Variants in ENDOD1 observed in about 807,000 individuals in gnomAD.
ENDOD1 encodes the protein endonuclease domain-containing 1 protein.
ENDOD1 carries 9 observed loss-of-function variants against 6.5 expected under a neutral mutation model. The observed-to-expected ratio is 1.39, with a 90% CI of 0.84 to 2.43. The LOEUF is 2.43. Ranked by LOEUF, ENDOD1 falls within the 30% of genes most tolerant of loss-of-function variation. The probability of loss-of-function intolerance (pLI) is 0.00; values close to 1 mark genes in which losing one functional copy is unlikely to be tolerated. For synonymous variants in ENDOD1, 255 were observed against 255.2 expected (o/e 1.00, Z 0.01); for missense variants, 648 against 635.5 (o/e 1.02, Z -0.21).
At position 95,130,391 on chromosome 11, in the gene ENDOD1, T is replaced by G. The variant is rs1039829586; in HGVS notation, c.*812T>G. On this transcript the variant is annotated 3_prime_UTR_variant, in exon 2 of 2. Transcript: ENST00000278505. ...CCGGTGGAAAGAAGAGAAGAGAAGGTGGACAGCCCTGCTCTTAGTAGGTGC... is the reference window on the plus strand; with the variant it reads ...CCGGTGGAAAGAAGAGAAGAGAAGGGGGACAGCCCTGCTCTTAGTAGGTGC... 1.3e-5 allele frequency: 2 copies of G among 151,856 alleles called. No homozygotes were observed. The highest frequency in any genetic ancestry group is 4.8e-5 in the African/African-American group (2 of 41,332). The allele number at this position is 151,856 out of a possible 1,614,324, so 9.4% of individuals were successfully genotyped here.
In ENDOD1 at chr11:95,094,491, G is replaced by A. The variant is rs143080297; in HGVS notation, c.300+4264G>A. Among the ~76,000 whole-genome samples, 97 of 152,278 alleles carry A rather than the reference G, an allele frequency of 6.4e-4. 1 individual carries two copies. The highest frequency in any genetic ancestry group is 2.3e-3 in the African/African-American group (94 of 41,552). On this transcript the variant is annotated intron_variant, in intron 1 of 1. Coordinates refer to ENST00000278505, the MANE Select transcript of ENDOD1 (RefSeq NM_015036.3). ...GGGAGCACTTACTTGGCTGCATAAA[G>A]GTTGCTCAAGTGTCACTTTACTCTG...
intron 1 of ENDOD1, among the ~76,000 whole-genome samples, chr11:95,110,343 C>T (rs654499): frequency 3.9e-5 from 6 of 152,020 alleles, no homozygotes; most frequent in African/African-American, 1.2e-4. Context: ...CTTCTTCTTC[C>T]ATTGATCCCA....
At chr11:95,100,562 C>T (rs1017752873) in intron 1 of ENDOD1, among the ~76,000 whole-genome samples, 4 of 152,150 alleles carry the variant, frequency 2.6e-5, no homozygotes, top group Non-Finnish European at 5.9e-5. Flanking sequence ...GATCTCAGCT[C>T]ACTGCAGCCT....
chr11:95,117,225 C>G (rs1859219468), intron 1 of ENDOD1, among the ~76,000 whole-genome samples: 1 of 152,152 alleles, frequency 6.6e-6, no homozygotes, highest in African/African-American at 2.4e-5. Context: ...GCCTGGCCAA[C>G]ATGGCAAACC....
At chr11:95,124,254 AT>A (rs893382012) in intron 1 of ENDOD1, among the ~76,000 whole-genome samples, 10 of 152,178 alleles carry the variant, frequency 6.6e-5, no homozygotes, top group Admixed American at 5.9e-4. Context: ...ATACTGGAAA[AT>A]TTTCTTCATC....
At chr11:95,125,338 C>T (rs1293835554) in intron 1 of ENDOD1, among the ~76,000 whole-genome samples, 1 of 152,164 alleles carries the variant, frequency 6.6e-6, no homozygotes, top group Non-Finnish European at 1.5e-5. Context: ...TCTGCTATAT[C>T]CTGATCTTAT....
intron 1 of ENDOD1, among the ~76,000 whole-genome samples, chr11:95,107,968 G>T (rs1382993639): frequency 6.6e-6 from 1 of 152,134 alleles, no homozygotes; most frequent in Non-Finnish European, 1.5e-5. Context: ...CGCCCGGCCG[G>T]AGTCCGCACA....
Position 95,090,106 on chromosome 11 carries a change from A to C in ENDOD1, c.179A>C (p.Glu60Ala). Residue 60 changes from glutamate (E) to alanine (A), a missense_variant, in exon 1 of 2, where the codon GAG becomes GCG. Coordinates refer to ENST00000278505, the MANE Select transcript of ENDOD1 (RefSeq NM_015036.3). ...DSHVKICQRAEGAERFATLYS... is the reference protein window; with the variant it reads ...DSHVKICQRAAGAERFATLYS... ...CACGTGAAGATCTGTCAGCGCGCGG[A>C]GGGTGCTGAGCGCTTCGCCACCCTC... 1 of 1,589,404 alleles carries C rather than the reference A, an allele frequency of 6.3e-7. No homozygotes were observed. The highest frequency in any genetic ancestry group is 8.5e-7 in the Non-Finnish European group (1 of 1,169,800).
chr11:95,122,159 A>G (rs1159845637), intron 1 of ENDOD1, among the ~76,000 whole-genome samples: 1 of 152,136 alleles, frequency 6.6e-6, no homozygotes, highest in African/African-American at 2.4e-5. Context: ...TTTAAGTGAC[A>G]ATGTATCAAA....
Position 95,090,101 on chromosome 11 carries a change from C to A in ENDOD1, c.174C>A (p.Arg58=). The change falls in exon 1 of 2, where the codon CGC becomes CGA. Residue 58 remains arginine (R), a synonymous_variant. Coordinates refer to ENST00000278505, the MANE Select transcript of ENDOD1 (RefSeq NM_015036.3). ...ATTCCCACGTGAAGATCTGTCAGCG[C>A]GCGGAGGGTGCTGAGCGCTTCGCCA... ...AADSHVKICQ[R]AEGAERFATL... is the part of the protein sequence containing the mutation. The A allele has an allele frequency of 6.3e-7, 1 of 1,593,948 alleles. No homozygotes were observed. Among genetic ancestry groups the A allele is most frequent in the Non-Finnish European group, 8.5e-7 (1 of 1,171,932 alleles).
chr11:95,098,538 G>T (rs1859008308), intron 1 of ENDOD1, among the ~76,000 whole-genome samples: 1 of 152,012 alleles, frequency 6.6e-6, no homozygotes, highest in Non-Finnish European at 1.5e-5. Flanking sequence ...ACAATTCTTT[G>T]TATATCAGTT....
intron 1 of ENDOD1, among the ~76,000 whole-genome samples, chr11:95,098,902 G>C (rs916737873): frequency 3.9e-5 from 6 of 152,158 alleles, no homozygotes; most frequent in Non-Finnish European, 8.8e-5. Flanking sequence ...CAAACCTGTT[G>C]ATGTGTTGGG....
chr11:95,118,424 C>G (rs993988253), intron 1 of ENDOD1, among the ~76,000 whole-genome samples: 1 of 152,162 alleles, frequency 6.6e-6, no homozygotes, highest in South Asian at 2.1e-4. Flanking sequence ...GTATTTTCAC[C>G]AATGTACTAC....
intron 1 of ENDOD1, among the ~76,000 whole-genome samples, chr11:95,104,303 C>T (rs1434525903): frequency 7.9e-5 from 12 of 152,214 alleles, no homozygotes; most frequent in Admixed American, 7.2e-4. Context: ...AAAACATTAG[C>T]TGGGCATGGT....
chr11:95,125,462 CTTTAAG>C (rs1210719171), intron 1 of ENDOD1, among the ~76,000 whole-genome samples: 1 of 151,782 alleles, frequency 6.6e-6, no homozygotes, highest in Non-Finnish European at 1.5e-5. Context: ...TATTATTATA[CTTTAAG>C]TTTTAGGGTA....
chr11:95,106,828 C>G (rs78934984), intron 1 of ENDOD1, among the ~76,000 whole-genome samples: 2 of 150,086 alleles, frequency 1.3e-5, no homozygotes, highest in South Asian at 2.1e-4. Flanking sequence ...ACACCCCCCC[C>G]TTTCCCCCGT....
chr11:95,113,286 C>T (rs960785135), intron 1 of ENDOD1, among the ~76,000 whole-genome samples: 7 of 152,024 alleles, frequency 4.6e-5, no homozygotes, highest in African/African-American at 1.2e-4. Flanking sequence ...ACAGTTAAAG[C>T]GTTATTGACT....
At chr11:95,111,594 A>G (rs1188405615) in intron 1 of ENDOD1, among the ~76,000 whole-genome samples, 4 of 151,944 alleles carry the variant, frequency 2.6e-5, no homozygotes, top group Non-Finnish European at 5.9e-5. Flanking sequence ...CACAACCTAG[A>G]TCCCTCACAT....
At chr11:95,122,287 A>C (rs1212261814) in intron 1 of ENDOD1, among the ~76,000 whole-genome samples, 3 of 151,956 alleles carry the variant, frequency 2.0e-5, no homozygotes, top group Admixed American at 6.5e-5. Flanking sequence ...CAATGGCATG[A>C]TCTTGGCTAC....
Sources: allele counts gnomAD v4.1 joint callset (sites outside exome capture counted in the v4.1 genomes callset), GRCh38; gene constraint gnomAD v4.1.1; transcripts MANE v1.5; gene names NCBI Gene and HGNC (gene_info 2026-07-23, HGNC 2026-07-21).